The following TTC23 variants were observed in gnomAD, a reference collection of about 807,000 sequenced individuals.
TTC23 encodes the protein tetratricopeptide repeat protein 23.
TTC23 carries 58 observed loss-of-function variants against 55.1 expected under a neutral mutation model. The ratio of observed to expected loss-of-function variants is 1.05; its 90% CI spans 0.85 to 1.31. TTC23 has a LOEUF of 1.31. TTC23 is among the 50% of genes most tolerant of loss of function. The pLI, the probability that TTC23 is intolerant of heterozygous loss-of-function variation, is 0.00. For synonymous variants in TTC23, 203 were observed against 199.9 expected (o/e 1.02, Z -0.13); for missense variants, 516 against 534.4 (o/e 0.97, Z 0.34).
At chr15:99,158,575 G>A (rs1273334999) in intron 11 of TTC23, 3 of 152,514 alleles carry the variant, frequency 2.0e-5, no homozygotes, top group Non-Finnish European at 4.4e-5. Context: ...GGCCTGTTGA[G>A]GGCCAGTGAG....
chr15:99,141,546 A>C (rs918780742), intron 12 of TTC23, among the ~76,000 whole-genome samples: 4 of 152,330 alleles, frequency 2.6e-5, no homozygotes, highest in Admixed American at 2.6e-4. Flanking sequence ...TCTGCATAAC[A>C]AATGTTTCAT....
intron 4 of TTC23, 129 bp from the exon 5 acceptor site, chr15:99,228,861 G>A: frequency 2.8e-6 from 2 of 715,330 alleles, no homozygotes; most frequent in South Asian, 2.5e-5. Context: ...AGATTATGGT[G>A]GCTACTACTG....
chr15:99,176,235 C>A (rs1026514238), intron 9 of TTC23, among the ~76,000 whole-genome samples: 3 of 152,042 alleles, frequency 2.0e-5, no homozygotes, highest in African/African-American at 4.8e-5. Flanking sequence ...AAATAAAATA[C>A]GGTGAAGTAA....
At chr15:99,206,656 T>C (rs530865302) in intron 8 of TTC23, among the ~76,000 whole-genome samples, 1 of 152,260 alleles carries the variant, frequency 6.6e-6, no homozygotes, top group African/African-American at 2.4e-5. Flanking sequence ...AGCAGTTGTA[T>C]TGTCTCCTTT....
At chr15:99,236,598 G>C (rs796933599) in intron 3 of TTC23, among the ~76,000 whole-genome samples, 2 of 151,576 alleles carry the variant, frequency 1.3e-5, no homozygotes, top group Admixed American at 1.3e-4. Flanking sequence ...CTGTTGCCCC[G>C]GCTGGTCTCC....
chr15:99,211,860 C>G (rs776402976), intron 8 of TTC23, among the ~76,000 whole-genome samples: 31 of 152,064 alleles, frequency 2.0e-4, no homozygotes, highest in Admixed American at 3.3e-4. Context: ...CCAAAGACTA[C>G]ATTTTTTTGT....
chr15:99,155,919 T>C, intron 12 of TTC23: 1 of 557,724 alleles, frequency 1.8e-6, no homozygotes, highest in Non-Finnish European at 3.1e-6. Context: ...TTAAAAATAT[T>C]TGCATAGTAA....
chr15:99,156,357 C>G lies in TTC23; in HGVS notation c.994-60G>C, dbSNP rs187661618. The G allele has an allele frequency of 4.0e-5, 64 of 1,585,912 alleles. No individual in the cohort carries two copies. In the South Asian group the frequency reaches 6.4e-4, roughly 16 times the overall value. On this transcript the variant is annotated intron_variant, in intron 11 of 13. Transcript: ENST00000394132. ...GCTCAAAGGCTGATTAGGATCATTA[C>G]GCAACTTGTAACATTTTCACATGGG...
At chr15:99,170,279 A>T (rs1483655497) in intron 10 of TTC23, among the ~76,000 whole-genome samples, 2 of 152,154 alleles carry the variant, frequency 1.3e-5, no homozygotes, top group South Asian at 2.1e-4. Context: ...AGACTGAAAC[A>T]CTTGCTTCTT....
intron 9 of TTC23, among the ~76,000 whole-genome samples, chr15:99,196,139 GA>G (rs1567452108): frequency 6.8e-6 from 1 of 146,914 alleles, no homozygotes; most frequent in African/African-American, 2.5e-5. Flanking sequence ...GCGACACAGC[GA>G]GACTCTGTCT....
intron 5 of TTC23, among the ~76,000 whole-genome samples, chr15:99,225,809 T>C (rs945828162): frequency 5.3e-5 from 8 of 152,170 alleles, no homozygotes; most frequent in East Asian, 3.8e-4. Flanking sequence ...AAAATACTTA[T>C]TAATTACAAA....
chr15:99,222,869 C>T (rs779413180), intron 5 of TTC23, among the ~76,000 whole-genome samples: 31 of 152,222 alleles, frequency 2.0e-4, no homozygotes, highest in Non-Finnish European at 3.5e-4. Flanking sequence ...TGGTGGCGGC[C>T]GCCCGTAGTC....
intron 8 of TTC23, among the ~76,000 whole-genome samples, chr15:99,202,297 T>C (rs2076263974): frequency 6.6e-6 from 1 of 152,160 alleles, no homozygotes; most frequent in Non-Finnish European, 1.5e-5. Context: ...AAAATATTCA[T>C]CTTTTTCCTC....
intron 6 of TTC23, among the ~76,000 whole-genome samples, chr15:99,220,985 T>C (rs918973294): frequency 1.3e-5 from 2 of 152,218 alleles, no homozygotes; most frequent in East Asian, 3.8e-4. Context: ...CAGGATCCAA[T>C]GAAGCCAAAA....
At chr15:99,190,548 T>C (rs1488794374) in intron 9 of TTC23, among the ~76,000 whole-genome samples, 2 of 152,300 alleles carry the variant, frequency 1.3e-5, no homozygotes, top group East Asian at 3.9e-4. Context: ...TCTCTGAGTA[T>C]ATGTGGCTGT....
intron 12 of TTC23, among the ~76,000 whole-genome samples, chr15:99,153,313 AG>A (rs1192991208): frequency 2.0e-5 from 3 of 152,246 alleles, no homozygotes; most frequent in African/African-American, 7.2e-5. Context: ...GTTTTCCCCC[AG>A]GTCTGGCTAG....
intron 9 of TTC23, among the ~76,000 whole-genome samples, chr15:99,195,041 T>G (rs992720842): frequency 1.3e-5 from 2 of 152,136 alleles, no homozygotes; most frequent in African/African-American, 4.8e-5. Flanking sequence ...TTTAGATATA[T>G]CACCAAAGGC....
At chr15:99,223,738 T>G (rs548959641) in intron 5 of TTC23, among the ~76,000 whole-genome samples, 60 of 152,282 alleles carry the variant, frequency 3.9e-4, no homozygotes, top group African/African-American at 1.4e-3. Context: ...TCCAGACCCT[T>G]CAAGACCAGC....
At chr15:99,238,885 C>CT (rs71287827) in intron 3 of TTC23, among the ~76,000 whole-genome samples, 14,704 of 152,118 alleles carry the variant, frequency 0.097, 834 homozygotes, top group Admixed American at 0.17. Context: ...CTTTTCCAGT[C>CT]TTTTTTTGAC....
Sources: allele counts gnomAD v4.1 joint callset (sites outside exome capture counted in the v4.1 genomes callset), GRCh38; gene constraint gnomAD v4.1.1; transcripts MANE v1.5; gene names NCBI Gene and HGNC (gene_info 2026-07-23, HGNC 2026-07-21).